Variants in SRC observed in about 807,000 individuals in gnomAD.
The protein encoded by SRC is proto-oncogene tyrosine-protein kinase Src.
A neutral mutation model predicts 62.9 loss-of-function variants in SRC; 13 were observed. That is an observed-to-expected ratio of 0.21 (90% CI 0.13 to 0.33). SRC has a LOEUF of 0.33. SRC is among the 10% of genes least tolerant of loss of function. The pLI is 1.00. For missense variants in SRC, 457 were observed against 737.3 expected (o/e 0.62, Z 4.40); for synonymous variants, 302 against 317.5 (o/e 0.95, Z 0.52).
chr20:37,352,257 A>C (rs1053671522), intron 1 of SRC, among the ~76,000 whole-genome samples: 2 of 152,216 alleles, frequency 1.3e-5, no homozygotes, highest in Non-Finnish European at 2.9e-5. Flanking sequence ...CAGGGCCTGC[A>C]CTCAGGAAGT....
chr20:37,402,601 T>C lies in SRC; in HGVS notation c.1270+13T>C. The C allele has an allele frequency of 2.5e-6, 4 of 1,604,400 alleles. No individual in the cohort carries two copies. The highest frequency in any genetic ancestry group is 2.6e-6 in the Non-Finnish European group (3 of 1,173,778). ...ACGGCGCGGCAAGGTGGGCAGGGGC[T>C]GTGTGGTATGTCGCGCTTGGCCTGG... On this transcript the variant is annotated intron_variant, in intron 12 of 13. Coordinates refer to ENST00000373578, the MANE Select transcript of SRC (RefSeq NM_198291.3). The surrounding 1 kb of genome is among the most constrained non-coding windows in gnomAD (Gnocchi z 6.2).
chr20:37,359,978 C>A (rs569472900), intron 1 of SRC, among the ~76,000 whole-genome samples: 15 of 151,982 alleles, frequency 9.9e-5, no homozygotes, highest in African/African-American at 3.6e-4. Flanking sequence ...ATAGAATGAA[C>A]CCCATGAACC....
In SRC at chr20:37,402,104, G is replaced by A. The variant is rs745951707; in HGVS notation, c.1117-331G>A. The A allele has an allele frequency of 9.1e-6, 3 of 328,892 alleles. No homozygotes were observed. The highest frequency in any genetic ancestry group is 1.7e-5 in the Non-Finnish European group (3 of 180,752). 20.4% of individuals were successfully genotyped at this position (328,892 alleles called of 1,614,324 possible). On this transcript the variant is annotated intron_variant, in intron 11 of 13. Transcript: ENST00000373578. This position sits in a 1 kb window ranked among gnomAD's most constrained non-coding sequence, Gnocchi z 6.2. ...AAACTGAGGCTCAGAGAGGGGACTTGGGCAGCAGGCAGGACCTGGCACTCA... is the reference window on the plus strand; with the variant it reads ...AAACTGAGGCTCAGAGAGGGGACTTAGGCAGCAGGCAGGACCTGGCACTCA...
rs540474080 is a variant in SRC at position 37,379,418 on chromosome 20, A to G, written c.-172-3201A>G. 4.4e-3 allele frequency among the ~76,000 whole-genome samples: 672 copies of G among 152,212 alleles called. 3 individuals are homozygous for G. The highest frequency in any genetic ancestry group is 0.015 in the African/African-American group (642 of 41,538). ...AAGTGCAAGGATAGAGCTCTGTGCC[A>G]GGGAGGAGGGTGGTCTCTCATGAGG... On this transcript the variant is annotated intron_variant, in intron 2 of 13. Coordinates refer to ENST00000373578, the MANE Select transcript of SRC (RefSeq NM_198291.3).
At position 37,403,398 on chromosome 20, in the gene SRC, C is replaced by A; in HGVS notation, c.*19C>A. 6.5e-7 allele frequency: 1 copy of A among 1,549,756 alleles called. No individual in the cohort carries two copies. The highest frequency in any genetic ancestry group is 2.4e-5 in the East Asian group (1 of 42,272). ...CCTCTAGGCACAGGCGGGCCCAGAC[C>A]GGCTTCTCGGCTTGGATCCTGGGCT... On this transcript the variant is annotated 3_prime_UTR_variant, in exon 14 of 14. Coordinates refer to ENST00000373578, the MANE Select transcript of SRC (RefSeq NM_198291.3). This position sits in a 1 kb window ranked among gnomAD's most constrained non-coding sequence, Gnocchi z 7.1.
At chr20:37,349,993 G>A (rs1423827911) in intron 1 of SRC, among the ~76,000 whole-genome samples, 1 of 152,192 alleles carries the variant, frequency 6.6e-6, no homozygotes, top group Admixed American at 6.5e-5. Context: ...GGCCTTGGCT[G>A]TAGGCTCTGG....
In SRC at chr20:37,398,525, A is replaced by T. The variant is rs2070692624; in HGVS notation, c.859+671A>T. Among the ~76,000 whole-genome samples the T allele has an allele frequency of 6.6e-6, 1 of 151,940 alleles. No homozygotes were observed. The stretch of plus-strand genomic sequence containing the variant: ...GTGGTTTCATCTGAGCCGCATCTCC[A>T]CTCACTCCCACTGCCTCCACGTTCC... On this transcript the variant is annotated intron_variant, in intron 9 of 13. Coordinates refer to ENST00000373578, the MANE Select transcript of SRC (RefSeq NM_198291.3). The surrounding 1 kb of genome is among the most constrained non-coding windows in gnomAD (Gnocchi z 5.2).
chr20:37,359,009 C>A (rs961731438), intron 1 of SRC, among the ~76,000 whole-genome samples: 6 of 152,274 alleles, frequency 3.9e-5, no homozygotes, highest in Non-Finnish European at 7.3e-5. Context: ...TCCTCTGGGA[C>A]CTCAGTTCCT....
At position 37,401,673 on chromosome 20, in the gene SRC, G is replaced by A. The variant is rs2070739927; in HGVS notation, c.1111G>A (p.Ala371Thr). The A allele has an allele frequency of 1.9e-6, 3 of 1,608,212 alleles. No homozygotes were observed. Among genetic ancestry groups the A allele is most frequent in the Non-Finnish European group, 2.5e-6 (3 of 1,177,432 alleles). ...LRLPQLVDMA[A>T]QIASGMAYVE... is the part of the protein sequence containing the mutation. ...GCTGCCTCAGCTGGTGGACATGGCTGCTCAGGTGAGTCAGCCCCTCCCGCC... is the reference window on the plus strand; with the variant it reads ...GCTGCCTCAGCTGGTGGACATGGCTACTCAGGTGAGTCAGCCCCTCCCGCC... The change falls in exon 11 of 14, where the codon GCT (alanine) becomes ACT (threonine). Residue 371 changes from alanine (A) to threonine (T), a missense_variant. This residue lies in a region of SRC where 168 missense variants were observed against 357.8 expected (regional missense o/e 0.47). Transcript: ENST00000373578.
Position 37,402,675 on chromosome 20 carries a change from T to A in SRC, c.1271-74T>A. On this transcript the variant is annotated intron_variant, in intron 12 of 13. Coordinates refer to ENST00000373578, the MANE Select transcript of SRC (RefSeq NM_198291.3). The surrounding 1 kb of genome is among the most constrained non-coding windows in gnomAD (Gnocchi z 6.2). ...CCCCAGTTTTTTCCTCAGCTGTCAT[T>A]CCTCATGGTGCTTATCTAGCAGAGC... The A allele has an allele frequency of 6.4e-7, 1 of 1,572,286 alleles. No homozygotes were observed. Among genetic ancestry groups the A allele is most frequent in the East Asian group, 2.3e-5 (1 of 44,406 alleles).
intron 1 of SRC, among the ~76,000 whole-genome samples, chr20:37,348,157 G>A (rs1021728390): frequency 1.3e-5 from 2 of 152,126 alleles, no homozygotes; most frequent in African/African-American, 2.4e-5. Flanking sequence ...CCCTTGCCCC[G>A]CCAGGCTTAG....
intron 7 of SRC, among the ~76,000 whole-genome samples, chr20:37,394,864 C>A (rs1340169116): frequency 6.6e-6 from 1 of 152,158 alleles, no homozygotes; most frequent in Non-Finnish European, 1.5e-5. Flanking sequence ...CGTGCATTTA[C>A]GAGCAGTCGT....
At chr20:37,390,684 C>T (rs777725557) in intron 5 of SRC, among the ~76,000 whole-genome samples, 5 of 152,094 alleles carry the variant, frequency 3.3e-5, no homozygotes, top group African/African-American at 7.2e-5. Flanking sequence ...GGATCACAGG[C>T]GTGAGCCACC....
chr20:37,360,938 C>T (rs1309883569), intron 1 of SRC, among the ~76,000 whole-genome samples: 1 of 152,132 alleles, frequency 6.6e-6, no homozygotes, highest in Non-Finnish European at 1.5e-5. Flanking sequence ...AAGGAAGGGC[C>T]AGAGCTAGGT....
chr20:37,392,172 C>T (rs569757225), intron 5 of SRC, among the ~76,000 whole-genome samples: 2 of 152,118 alleles, frequency 1.3e-5, no homozygotes, highest in African/African-American at 4.8e-5. Flanking sequence ...GTGTGTGTAG[C>T]CATCACAGAG....
Position 37,396,968 on chromosome 20 carries a change from A to T in SRC, c.703+657A>T, listed in dbSNP as rs1399824578. On this transcript the variant is annotated intron_variant, in intron 8 of 13. Coordinates refer to ENST00000373578, the MANE Select transcript of SRC (RefSeq NM_198291.3). This position sits in a 1 kb window ranked among gnomAD's most constrained non-coding sequence, Gnocchi z 6.1. ...GCTTGGCCTCCTGACTTCCTCTGGG[A>T]TCACCCGCCACTCTCTGTCTCTTCG... Among the ~76,000 whole-genome samples the T allele has an allele frequency of 6.6e-6, 1 of 151,466 alleles. No individual in the cohort carries two copies. Among genetic ancestry groups the T allele is most frequent in the African/African-American group, 2.4e-5 (1 of 41,152 alleles).
chr20:37,359,531 G>C (rs2146930798), intron 1 of SRC, among the ~76,000 whole-genome samples: 1 of 152,336 alleles, frequency 6.6e-6, no homozygotes, highest in South Asian at 2.1e-4. Context: ...CAAAGGAGGG[G>C]AGGGAGGAGC....
chr20:37,401,764 GC>G, intron 11 of SRC, 86 bp downstream of exon 11: 1 of 962,506 alleles, frequency 1.0e-6, no homozygotes, highest in Non-Finnish European at 1.5e-6. Flanking sequence ...CCTCTTGAGT[GC>G]CCCCTCCAAG....
In SRC at chr20:37,396,949, C is replaced by T. The variant is rs1325579936; in HGVS notation, c.703+638C>T. Among the ~76,000 whole-genome samples the T allele has an allele frequency of 2.0e-5, 3 of 152,076 alleles. No homozygotes were observed. The highest frequency in any genetic ancestry group is 2.0e-4 in the Admixed American group (3 of 15,280). ...GAGCCTCCTCCTCCTCTCAGCTTGG[C>T]CTCCTGACTTCCTCTGGGATCACCC... is the stretch of plus-strand genomic sequence containing the variant. On this transcript the variant is annotated intron_variant, in intron 8 of 13. Transcript: ENST00000373578. The surrounding 1 kb of genome is among the most constrained non-coding windows in gnomAD (Gnocchi z 6.1).
Sources: gnomAD v4.1 joint callset for allele counts (sites outside exome capture counted in the v4.1 genomes callset) on GRCh38, gnomAD v4.1.1 for gene constraint, gnomAD v4.1.1 regional missense constraint, Gnocchi (gnomAD v3.1) non-coding constraint, MANE v1.5 for transcripts, NCBI Gene and HGNC (gene_info 2026-07-23, HGNC 2026-07-21) for gene names.